CTNNA3: variants seen among roughly 807,000 people sequenced by gnomAD.
CTNNA3 encodes catenin alpha 3.
Under a neutral mutation model 95.7 loss-of-function variants are expected in CTNNA3, and 76 were observed. The observed-to-expected ratio is 0.79, with a 90% CI of 0.66 to 0.96. The LOEUF (loss-of-function observed/expected upper bound fraction) is 0.96. Ranked by LOEUF, CTNNA3 falls within the 40% of genes least tolerant of loss-of-function variation. The pLI is 0.00. For synonymous variants in CTNNA3, 431 were observed against 374.4 expected, an observed-to-expected ratio of 1.15 and a Z score of -1.74; for missense variants, 1,191 against 1,089.8, an observed-to-expected ratio of 1.09 and a Z score of -1.31.
intron 12 of CTNNA3, among the ~76,000 whole-genome samples, chr10:66,332,971 T>C (rs533606261): frequency 1.1e-3 from 163 of 152,184 alleles, no homozygotes; most frequent in Non-Finnish European, 1.6e-3. Flanking sequence ...TGTATGTGTC[T>C]AGGAATTTAT....
At position 66,967,615 on chromosome 10, in the gene CTNNA3, AT is replaced by A. The variant is rs1303885259; in HGVS notation, c.1048-192092del. ...GAGGCGGGACTATGTAAAACAGTCC[AT>A]TAAAATAATTTTCCCAGATCAAATA... On this transcript the variant is annotated intron_variant, in intron 7 of 17. Transcript: ENST00000433211. Among the ~76,000 whole-genome samples the A allele has an allele frequency of 1.1e-4, 17 of 152,180 alleles. 1 individual carries two copies. The East Asian group carries it at 3.3e-3, about 29-fold the overall frequency.
chr10:66,934,467 G>T (rs1847581522), intron 7 of CTNNA3, among the ~76,000 whole-genome samples: 2 of 152,064 alleles, frequency 1.3e-5, no homozygotes, highest in African/African-American at 4.8e-5. Context: ...TTACACACTT[G>T]CATTAAATAT....
At chr10:67,005,772 G>C (rs1450962712) in intron 7 of CTNNA3, among the ~76,000 whole-genome samples, 1 of 129,006 alleles carries the variant, frequency 7.8e-6, no homozygotes, top group African/African-American at 2.9e-5. Flanking sequence ...TGCAACCTCC[G>C]CCTCCCAGGT....
chr10:67,714,968 C>T (rs143751114), intron 1 of CTNNA3, among the ~76,000 whole-genome samples: 1 of 152,298 alleles, frequency 6.6e-6, no homozygotes, highest in African/African-American at 2.4e-5. Flanking sequence ...GCTGGAAGTA[C>T]AATAAACCTT....
At chr10:66,133,054 A>AT (rs545534320) in intron 13 of CTNNA3, among the ~76,000 whole-genome samples, 2 of 152,106 alleles carry the variant, frequency 1.3e-5, no homozygotes, top group African/African-American at 2.4e-5. Context: ...CTAAAATAAC[A>AT]TTTTTTTAAA....
intron 13 of CTNNA3, among the ~76,000 whole-genome samples, chr10:66,193,222 A>G (rs761463621): frequency 1.1e-4 from 16 of 152,156 alleles, no homozygotes; most frequent in Non-Finnish European, 2.2e-4. Flanking sequence ...ACCAAGTACA[A>G]TTTCAATCAG....
chr10:66,735,080 AT>A (rs1849090376), intron 9 of CTNNA3, among the ~76,000 whole-genome samples: 1 of 151,654 alleles, frequency 6.6e-6, no homozygotes, highest in African/African-American at 2.4e-5. Flanking sequence ...AAAGTAAGTT[AT>A]TCTGTATAAC....
At chr10:67,755,864 T>A (rs560053091) in intron 1 of CTNNA3, among the ~76,000 whole-genome samples, 3 of 146,854 alleles carry the variant, frequency 2.0e-5, no homozygotes, top group Non-Finnish European at 4.5e-5. Context: ...CAAAAAGATA[T>A]ATGCACTCCC....
At chr10:66,061,637 A>G (rs2080201425) in intron 15 of CTNNA3, among the ~76,000 whole-genome samples, 1 of 151,932 alleles carries the variant, frequency 6.6e-6, no homozygotes, top group South Asian at 2.1e-4. Context: ...CTTCATGCCC[A>G]TCTTAATTTC....
chr10:67,194,376 G>A (rs1464043415), intron 6 of CTNNA3, among the ~76,000 whole-genome samples: 1 of 151,904 alleles, frequency 6.6e-6, no homozygotes, highest in Admixed American at 6.6e-5. Context: ...ATATTACTCA[G>A]CACTAAAAAG....
intron 7 of CTNNA3, among the ~76,000 whole-genome samples, chr10:67,119,195 T>G (rs995993729): frequency 1.3e-5 from 2 of 151,890 alleles, no homozygotes; most frequent in Non-Finnish European, 2.9e-5. Context: ...TTTCTTTTTC[T>G]TTTTTTGGAA....
At chr10:67,379,976 C>T (rs1236552397) in intron 5 of CTNNA3, among the ~76,000 whole-genome samples, 1 of 147,236 alleles carries the variant, frequency 6.8e-6, no homozygotes, top group African/African-American at 2.5e-5. Context: ...AGCCGAGATC[C>T]CGCCACTGCA....
intron 5 of CTNNA3, among the ~76,000 whole-genome samples, chr10:67,472,015 A>G (rs188854384): frequency 2.2e-4 from 34 of 152,316 alleles, no homozygotes; most frequent in Non-Finnish European, 1.2e-4. Context: ...CGTACCAAAA[A>G]TTATAACCTC....
intron 7 of CTNNA3, among the ~76,000 whole-genome samples, chr10:67,071,450 T>C (rs971853318): frequency 6.6e-6 from 1 of 152,006 alleles, no homozygotes; most frequent in Non-Finnish European, 1.5e-5. Flanking sequence ...TCATTTATCT[T>C]CTCACTTCTT....
At chr10:66,792,578 C>G (rs1363032047) in intron 7 of CTNNA3, among the ~76,000 whole-genome samples, 2 of 152,012 alleles carry the variant, frequency 1.3e-5, no homozygotes, top group Non-Finnish European at 2.9e-5. Flanking sequence ...GTTCAGATAC[C>G]CAGCATTTTC....
At position 66,487,076 on chromosome 10, in the gene CTNNA3, T is replaced by C. The variant is rs976218646; in HGVS notation, c.1531+33541A>G. On this transcript the variant is annotated intron_variant, in intron 11 of 17. Coordinates refer to ENST00000433211, the MANE Select transcript of CTNNA3 (RefSeq NM_013266.4). ...GAAATGAGGTGTTGCCCAAAGGGCA[T>C]AAACTTTCTGTTATAAGACGAATAA... 1.5e-4 allele frequency among the ~76,000 whole-genome samples: 22 copies of C among 150,114 alleles called. No individual in the cohort carries two copies. In the Admixed American group the frequency reaches 1.5e-3, roughly 10 times the overall value.
intron 5 of CTNNA3, among the ~76,000 whole-genome samples, chr10:67,252,306 A>G (rs1866144219): frequency 6.6e-6 from 1 of 151,944 alleles, no homozygotes; most frequent in South Asian, 2.1e-4. Context: ...TCTGAGGTTG[A>G]AGGAGGCAGT....
chr10:67,007,206 G>T (rs958876513), intron 7 of CTNNA3, among the ~76,000 whole-genome samples: 1 of 152,150 alleles, frequency 6.6e-6, no homozygotes, highest in Non-Finnish European at 1.5e-5. Flanking sequence ...AAATTCTTGG[G>T]TGTCAGTTCC....
At chr10:65,985,621 C>T (rs1195246814) in intron 16 of CTNNA3, among the ~76,000 whole-genome samples, 2 of 151,264 alleles carry the variant, frequency 1.3e-5, no homozygotes, top group Non-Finnish European at 3.0e-5. Context: ...ATTGTTGACA[C>T]AGAAAACCTA....
Sources: allele counts gnomAD v4.1 joint callset (sites outside exome capture counted in the v4.1 genomes callset), GRCh38; gene constraint gnomAD v4.1.1; transcripts MANE v1.5; gene names NCBI Gene and HGNC (gene_info 2026-07-23, HGNC 2026-07-21).